Variants in SORCS2 observed in about 807,000 individuals in gnomAD.
The protein encoded by SORCS2 is sortilin related VPS10 domain containing receptor 2, also known as VPS10 domain-containing receptor SorCS2.
A neutral mutation model predicts 141.6 loss-of-function variants in SORCS2; 100 were observed. That is an observed-to-expected ratio of 0.71 (90% confidence interval 0.60 to 0.83). SORCS2 has a LOEUF of 0.83. Ranked by LOEUF, SORCS2 falls within the 40% of genes least tolerant of loss-of-function variation. SORCS2 has a pLI of 0.00. For missense variants in SORCS2, 1,646 were observed against 1,560.2 expected (o/e 1.05, Z -0.93); for synonymous variants, 789 against 676.9 (o/e 1.17, Z -2.57).
At chr4:7,249,778 CAT>C (rs1713356096) in intron 1 of SORCS2, among the ~76,000 whole-genome samples, 1 of 152,156 alleles carries the variant, frequency 6.6e-6, no homozygotes, top group Admixed American at 6.5e-5. Context: ...GCGGTATTGA[CAT>C]GTGCAGTATA....
intron 8 of SORCS2, among the ~76,000 whole-genome samples, chr4:7,668,402 A>G (rs981401322): frequency 6.6e-6 from 1 of 152,194 alleles, no homozygotes; most frequent in Non-Finnish European, 1.5e-5. Context: ...GGCAGCTCCA[A>G]GAAGAGCAAG....
chr4:7,252,886 T>A (rs771248992), intron 1 of SORCS2, among the ~76,000 whole-genome samples: 5 of 152,224 alleles, frequency 3.3e-5, no homozygotes, highest in African/African-American at 7.2e-5. Flanking sequence ...AAATTGAAAC[T>A]GTCGAATGGA....
chr4:7,268,877 A>G (rs1714923746), intron 1 of SORCS2, among the ~76,000 whole-genome samples: 1 of 151,700 alleles, frequency 6.6e-6, no homozygotes, highest in Non-Finnish European at 1.5e-5. Flanking sequence ...CCACAGATGG[A>G]GGAGGCTGAT....
chr4:7,323,642 A>G (rs1719047534), intron 1 of SORCS2, among the ~76,000 whole-genome samples: 1 of 152,100 alleles, frequency 6.6e-6, no homozygotes, highest in African/African-American at 2.4e-5. Flanking sequence ...AGTCACAGGC[A>G]GGCCCACTGC....
intron 1 of SORCS2, among the ~76,000 whole-genome samples, chr4:7,341,087 A>G (rs1470976112): frequency 6.6e-6 from 1 of 152,228 alleles, no homozygotes; most frequent in African/African-American, 2.4e-5. Context: ...ACAGATGTGC[A>G]TGGTGGGGAG....
chr4:7,461,891 GGGAGGTGCTGTCCC>G lies in SORCS2; in HGVS notation c.548+65538_548+65551del, dbSNP rs1433512398. 2.6e-3 allele frequency among the ~76,000 whole-genome samples: 394 copies of G among 152,292 alleles called. 4 individuals carry two copies. Among genetic ancestry groups the G allele is most frequent in the African/African-American group, 9.1e-3 (377 of 41,558 alleles). The stretch of plus-strand genomic sequence containing the variant: ...ACCCCTGGAGCTTCCAGGCACACCT[GGGAGGTGCTGTCCC>G]GCAGGCTTCAGTGCCTCTGCTGTCC... On this transcript the variant is annotated intron_variant, in intron 2 of 26. Transcript: ENST00000507866.
intron 1 of SORCS2, among the ~76,000 whole-genome samples, chr4:7,213,328 C>G (rs1560115213): frequency 6.6e-6 from 1 of 152,142 alleles, no homozygotes; most frequent in South Asian, 2.1e-4. Context: ...GGCACAGAGG[C>G]AAGCTGTCTT....
chr4:7,398,060 G>A (rs573422882), intron 2 of SORCS2, among the ~76,000 whole-genome samples: 1 of 152,188 alleles, frequency 6.6e-6, no homozygotes, highest in African/African-American at 2.4e-5. Flanking sequence ...ACTGTGTGAA[G>A]TGTCTTCTGA....
intron 1 of SORCS2, among the ~76,000 whole-genome samples, chr4:7,329,070 C>A (rs1560196497): frequency 6.6e-6 from 1 of 152,204 alleles, no homozygotes; most frequent in Non-Finnish European, 1.5e-5. Flanking sequence ...GCGACCGTGG[C>A]TCTGAATCCC....
intron 15 of SORCS2, among the ~76,000 whole-genome samples, chr4:7,713,092 T>C (rs945369715): frequency 6.6e-6 from 1 of 152,020 alleles, no homozygotes; most frequent in Admixed American, 6.6e-5. Context: ...AGTGTGGGGC[T>C]ACAGGGGCTA....
At chr4:7,409,829 T>C (rs1467809118) in intron 2 of SORCS2, among the ~76,000 whole-genome samples, 2 of 152,184 alleles carry the variant, frequency 1.3e-5, no homozygotes, top group South Asian at 2.1e-4. Flanking sequence ...ATCATCTCAG[T>C]GTTGTATATT....
At chr4:7,703,458 A>C in intron 13 of SORCS2, 87 bp downstream of exon 13, 1 of 1,063,428 alleles carries the variant, frequency 9.4e-7, no homozygotes, top group Non-Finnish European at 1.4e-6. Context: ...TAGTCCCCAG[A>C]ATGTCCTCCC....
At chr4:7,506,586 C>T (rs149363626) in intron 2 of SORCS2, among the ~76,000 whole-genome samples, 31 of 152,306 alleles carry the variant, frequency 2.0e-4, no homozygotes, top group Non-Finnish European at 3.5e-4. Context: ...ACAAACTGGC[C>T]GCATGGCCCT....
chr4:7,578,661 G>A (rs1715934689), intron 3 of SORCS2, among the ~76,000 whole-genome samples: 1 of 152,148 alleles, frequency 6.6e-6, no homozygotes, highest in African/African-American at 2.4e-5. Flanking sequence ...GCGCAGCTGG[G>A]GCAGGCCGCC....
intron 1 of SORCS2, among the ~76,000 whole-genome samples, chr4:7,312,245 A>G (rs921684266): frequency 1.3e-5 from 2 of 152,184 alleles, no homozygotes; most frequent in Non-Finnish European, 2.9e-5. Flanking sequence ...ATAATTTATC[A>G]GTGTTTTTGT....
chr4:7,569,454 G>T (rs1306046369), intron 3 of SORCS2, among the ~76,000 whole-genome samples: 1 of 152,200 alleles, frequency 6.6e-6, no homozygotes, highest in African/African-American at 2.4e-5. Flanking sequence ...GGAGGTTGCG[G>T]TGAGCTGAGA....
At chr4:7,295,784 C>G (rs1443949243) in intron 1 of SORCS2, among the ~76,000 whole-genome samples, 1 of 152,202 alleles carries the variant, frequency 6.6e-6, no homozygotes, top group African/African-American at 2.4e-5. Flanking sequence ...TGGGATGGAG[C>G]CTTGGTTTCC....
chr4:7,194,832 C>T (rs534730641), intron 1 of SORCS2, among the ~76,000 whole-genome samples: 1 of 152,200 alleles, frequency 6.6e-6, no homozygotes, highest in Non-Finnish European at 1.5e-5. Context: ...AAGCAAATCC[C>T]GCAGGGCCAG....
At chr4:7,250,359 C>A (rs898659573) in intron 1 of SORCS2, among the ~76,000 whole-genome samples, 1 of 152,196 alleles carries the variant, frequency 6.6e-6, no homozygotes, top group Non-Finnish European at 1.5e-5. Context: ...CTGCTCTATG[C>A]GTCATTTAAA....
Sources: gnomAD v4.1 joint callset for allele counts (sites outside exome capture counted in the v4.1 genomes callset) on GRCh38, gnomAD v4.1.1 for gene constraint, MANE v1.5 for transcripts, NCBI Gene and HGNC (gene_info 2026-07-23, HGNC 2026-07-21) for gene names.